NCKAP5: variants seen among roughly 807,000 people sequenced by gnomAD.
NCKAP5 encodes NCK associated protein 5.
Under a neutral mutation model 167.0 loss-of-function variants are expected in NCKAP5, and 92 were observed. The ratio of observed to expected loss-of-function variants is 0.55; its 90% confidence interval spans 0.47 to 0.66. The LOEUF is 0.66. Among genes scored for constraint, NCKAP5 ranks in the 30% least tolerant of loss-of-function variants. The pLI is 0.00. For synonymous variants in NCKAP5, 891 were observed against 877.4 expected (o/e 1.02, Z -0.27); for missense variants, 2,378 against 2,315.0 (o/e 1.03, Z -0.56).
chr2:132,743,875 A>T (rs1679418651), intron 16 of NCKAP5, among the ~76,000 whole-genome samples: 1 of 151,766 alleles, frequency 6.6e-6, no homozygotes, highest in Admixed American at 6.6e-5. Context: ...AACTCTAATA[A>T]AAAGAAAGCT....
intron 5 of NCKAP5, among the ~76,000 whole-genome samples, chr2:133,138,214 C>G (rs569554669): frequency 6.6e-6 from 1 of 151,930 alleles, no homozygotes; most frequent in Non-Finnish European, 1.5e-5. Flanking sequence ...AAGATTGATT[C>G]GATTATTCGA....
At chr2:133,342,568 C>CT (rs111414165) in intron 3 of NCKAP5, among the ~76,000 whole-genome samples, 2 of 152,222 alleles carry the variant, frequency 1.3e-5, no homozygotes, top group South Asian at 2.1e-4. Flanking sequence ...TACTAGTATG[C>CT]TTTTTTTCCA....
intron 4 of NCKAP5, among the ~76,000 whole-genome samples, chr2:133,282,420 G>T (rs1177421726): frequency 6.6e-6 from 1 of 152,128 alleles, no homozygotes; most frequent in African/African-American, 2.4e-5. Context: ...GATCAAAGAT[G>T]CTAGGATTTC....
intron 8 of NCKAP5, among the ~76,000 whole-genome samples, chr2:132,958,949 C>T (rs2076421374): frequency 6.6e-6 from 1 of 150,824 alleles, no homozygotes; most frequent in Non-Finnish European, 1.5e-5. Flanking sequence ...TGTGTCTGCC[C>T]ACTGGGGTGG....
chr2:133,234,899 G>A (rs1031493320), intron 4 of NCKAP5, among the ~76,000 whole-genome samples: 2 of 147,938 alleles, frequency 1.4e-5, no homozygotes, highest in East Asian at 2.0e-4. Context: ...ATAAATAAGT[G>A]TCCCTCAGTC....
At chr2:132,965,646 G>T (rs926317180) in intron 7 of NCKAP5, among the ~76,000 whole-genome samples, 2 of 151,884 alleles carry the variant, frequency 1.3e-5, no homozygotes, top group Non-Finnish European at 2.9e-5. Flanking sequence ...CATTCCTTAG[G>T]AGATTTCATC....
At chr2:133,386,728 CT>C in intron 3 of NCKAP5, among the ~76,000 whole-genome samples, 1 of 152,328 alleles carries the variant, frequency 6.6e-6, no homozygotes, top group Non-Finnish European at 1.5e-5. Context: ...AATCTGGGTG[CT>C]CCTGTATTGG....
chr2:133,384,736 C>T (rs541593158), intron 3 of NCKAP5, among the ~76,000 whole-genome samples: 1 of 151,916 alleles, frequency 6.6e-6, no homozygotes. Context: ...TTTCATTGAG[C>T]AATGGTTTCT....
In NCKAP5 at chr2:132,783,680, C is replaced by T. The variant is rs1012381637; in HGVS notation, c.3131G>A (p.Gly1044Asp). ...LGPPKVSPKR[G>D]VPKTSPRQTL... ...TTGGCGAGGAGAGGTTTTGGGGACA[C>T]CTCTCTTCGGAGAGACCTTTGGAGG... Residue 1044 changes from glycine (G) to aspartate (D), a missense_variant, in exon 14 of 20, where the codon GGT (glycine) becomes GAT (aspartate). By Grantham distance (94) the Gly-to-Asp change is moderately conservative. Coordinates refer to ENST00000409261, the MANE Select transcript of NCKAP5 (RefSeq NM_207363.3). The T allele has an allele frequency of 4.3e-6, 7 of 1,613,714 alleles. No individual in the cohort carries two copies. In the African/African-American group the frequency reaches 9.3e-5, roughly 22 times the overall value.
At chr2:133,596,519 G>C in the NCKAP5 span, 2 of 152,452 alleles carry the variant, frequency 1.3e-5, no homozygotes, top group Non-Finnish European at 2.9e-5. Flanking sequence ...ATGGAAAATG[G>C]GGGGAGAATC....
intron 3 of NCKAP5, among the ~76,000 whole-genome samples, chr2:133,445,759 T>A (rs185287923): frequency 6.6e-6 from 1 of 151,784 alleles, no homozygotes; most frequent in East Asian, 1.9e-4. Flanking sequence ...AGGGGATAGG[T>A]GAACAGAGGC....
intron 11 of NCKAP5, among the ~76,000 whole-genome samples, chr2:132,826,483 G>C (rs953118795): frequency 6.6e-6 from 1 of 152,126 alleles, no homozygotes; most frequent in Non-Finnish European, 1.5e-5. Context: ...CAACCAAGGG[G>C]CTATTAGAGG....
intron 13 of NCKAP5, among the ~76,000 whole-genome samples, chr2:132,789,132 A>G (rs1683840934): frequency 6.6e-6 from 1 of 152,212 alleles, no homozygotes; most frequent in Non-Finnish European, 1.5e-5. Flanking sequence ...ATTCCAGCCA[A>G]AAATTAAAAG....
intron 3 of NCKAP5, among the ~76,000 whole-genome samples, chr2:133,494,765 A>G (rs945091554): frequency 6.6e-6 from 1 of 152,210 alleles, no homozygotes; most frequent in Admixed American, 6.5e-5. Context: ...ATAGCCATAC[A>G]TGTCAGAGAG....
At chr2:133,542,257 C>T (rs902357420) in intron 2 of NCKAP5, among the ~76,000 whole-genome samples, 19 of 152,194 alleles carry the variant, frequency 1.2e-4, no homozygotes, top group African/African-American at 4.6e-4. Flanking sequence ...TCTCCACCTA[C>T]AGCTACGTAC....
chr2:133,230,970 G>A (rs780313005), intron 4 of NCKAP5, among the ~76,000 whole-genome samples: 8 of 152,182 alleles, frequency 5.3e-5, no homozygotes, highest in Non-Finnish European at 7.3e-5. Context: ...ATGGTTTTTA[G>A]GGGATGCTGC....
chr2:132,854,205 G>C (rs371357496), intron 11 of NCKAP5, among the ~76,000 whole-genome samples: 1 of 152,274 alleles, frequency 6.6e-6, no homozygotes, highest in Middle Eastern at 3.4e-3. Context: ...TACACCTTAC[G>C]TGATAATGCT....
chr2:133,666,379 G>A, the NCKAP5 span, among the ~76,000 whole-genome samples: 1 of 151,586 alleles, frequency 6.6e-6, no homozygotes, highest in African/African-American at 2.4e-5. Context: ...TGTACTTTTA[G>A]TAGGGACGGG....
At position 132,846,494 on chromosome 2, in the gene NCKAP5, G is replaced by T. The variant is rs551493498; in HGVS notation, c.807+13998C>A. On this transcript the variant is annotated intron_variant, in intron 11 of 19. Transcript: ENST00000409261. Reference sequence around the variant, plus strand: ...TAATTTTTGTATTTTTAGTAGAGATGGGGTCTTGCGATGTTGGCCAGGTTG... The same window carrying T: ...TAATTTTTGTATTTTTAGTAGAGATTGGGTCTTGCGATGTTGGCCAGGTTG... Among the ~76,000 whole-genome samples the T allele has an allele frequency of 1.5e-3, 224 of 152,100 alleles. 1 individual carries two copies. The highest frequency in any genetic ancestry group is 2.0e-3 in the Admixed American group (30 of 15,280).
Sources: gnomAD v4.1 joint callset for allele counts (sites outside exome capture counted in the v4.1 genomes callset) on GRCh38, gnomAD v4.1.1 for gene constraint, MANE v1.5 for transcripts, NCBI Gene and HGNC (gene_info 2026-07-23, HGNC 2026-07-21) for gene names.